CAMK1D: variants seen among roughly 807,000 people sequenced by gnomAD.
CAMK1D encodes the protein calcium/calmodulin-dependent protein kinase type 1D.
In CAMK1D, 9 loss-of-function variants were observed where a neutral mutation model predicts 47.7. The ratio of observed to expected loss-of-function variants is 0.19; its 90% confidence interval spans 0.11 to 0.33. CAMK1D has a LOEUF of 0.33. CAMK1D is among the 10% of genes least tolerant of loss of function. The pLI, the probability that CAMK1D is intolerant of heterozygous loss-of-function variation, is 1.00. For missense variants in CAMK1D, 291 were observed against 488.7 expected (o/e 0.60, Z 3.81); for synonymous variants, 184 against 184.9 (o/e 0.99, Z 0.04).
At chr10:12,728,584 T>C (rs1416347928) in intron 3 of CAMK1D, among the ~76,000 whole-genome samples, 1 of 152,240 alleles carries the variant, frequency 6.6e-6, no homozygotes, top group African/African-American at 2.4e-5. Flanking sequence ...GTTGGTGTGA[T>C]AATAAGGCTG....
chr10:12,834,024 A>G lies in CAMK1D; in HGVS notation c.*5137A>G, dbSNP rs912013612. 4 of 152,164 alleles carry G rather than the reference A, an allele frequency of 2.6e-5. No homozygotes were observed. Among genetic ancestry groups the G allele is most frequent in the African/African-American group, 4.8e-5 (2 of 41,442 alleles). The allele number at this position is 152,164 out of a possible 1,614,324, so 9.4% of individuals were successfully genotyped here. A position where few individuals can be genotyped will look rare whatever the true frequency, so the allele number is the denominator to read the frequency against. On this transcript the variant is annotated 3_prime_UTR_variant, in exon 11 of 11. Transcript: ENST00000619168. ...GCTGCAGGTGTGCCTGACATTTGCA[A>G]AAGATATTCCAGTCTTTCGATGTTC...
intron 1 of CAMK1D, among the ~76,000 whole-genome samples, chr10:12,407,831 G>A (rs991021235): frequency 9.9e-5 from 15 of 150,980 alleles, no homozygotes; most frequent in Non-Finnish European, 2.2e-4. Context: ...TCCTCCTCAA[G>A]GGTGTGATTG....
intron 1 of CAMK1D, among the ~76,000 whole-genome samples, chr10:12,424,211 C>T (rs1840150801): frequency 6.6e-6 from 1 of 152,146 alleles, no homozygotes; most frequent in South Asian, 2.1e-4. Context: ...TCTAAGTCAG[C>T]AAGCCCAGTG....
intron 2 of CAMK1D, among the ~76,000 whole-genome samples, chr10:12,648,201 C>A (rs141306727): frequency 6.6e-6 from 1 of 152,148 alleles, no homozygotes; most frequent in Non-Finnish European, 1.5e-5. Context: ...GCTAAGAGTT[C>A]GTGGGGCACT....
chr10:12,548,829 A>G (rs969745187), intron 1 of CAMK1D, among the ~76,000 whole-genome samples: 2 of 151,964 alleles, frequency 1.3e-5, no homozygotes, highest in East Asian at 3.9e-4. Context: ...TTGTGCAACC[A>G]TCAACCCCAT....
Position 12,482,064 on chromosome 10 carries a change from G to A in CAMK1D, c.93-71161G>A, listed in dbSNP as rs559390871. ...GTGTTTACCTCCACTGTAATGAAATGTGTTTCCCTTGAGGGGGTGGTTATT... is the reference window on the plus strand; with the variant it reads ...GTGTTTACCTCCACTGTAATGAAATATGTTTCCCTTGAGGGGGTGGTTATT... On this transcript the variant is annotated intron_variant, in intron 1 of 10. Transcript: ENST00000619168. Among the ~76,000 whole-genome samples, 3 of 152,340 alleles carry A rather than the reference G, an allele frequency of 2.0e-5. No homozygotes were observed. The South Asian group carries it at 6.2e-4, about 32-fold the overall frequency.
At chr10:12,779,298 G>A (rs1355057448) in intron 5 of CAMK1D, among the ~76,000 whole-genome samples, 1 of 152,192 alleles carries the variant, frequency 6.6e-6, no homozygotes, top group African/African-American at 2.4e-5. Flanking sequence ...TATATTGCCT[G>A]CTCAGCTGCA....
At chr10:12,507,498 C>A (rs765392596) in intron 1 of CAMK1D, among the ~76,000 whole-genome samples, 4 of 152,034 alleles carry the variant, frequency 2.6e-5, no homozygotes, top group Non-Finnish European at 4.4e-5. Flanking sequence ...CCTGTAATAT[C>A]AGGAAATCCT....
intron 3 of CAMK1D, among the ~76,000 whole-genome samples, chr10:12,681,194 T>C (rs1840981449): frequency 6.6e-6 from 1 of 152,258 alleles, no homozygotes; most frequent in Non-Finnish European, 1.5e-5. Flanking sequence ...CCAGAGCTGC[T>C]ACGGCTCTAT....
At chr10:12,535,811 C>T (rs1835951506) in intron 1 of CAMK1D, among the ~76,000 whole-genome samples, 1 of 152,136 alleles carries the variant, frequency 6.6e-6, no homozygotes, top group South Asian at 2.1e-4. Flanking sequence ...ACTGTTTACC[C>T]ACCACACTAA....
At chr10:12,377,214 G>T (rs766872654) in intron 1 of CAMK1D, among the ~76,000 whole-genome samples, 20 of 150,664 alleles carry the variant, frequency 1.3e-4, no homozygotes, top group Non-Finnish European at 2.6e-4. Context: ...AAAAAAAAAT[G>T]TTCTTCCCAG....
In CAMK1D at chr10:12,401,094, A is replaced by T. The variant is rs1353080861; in HGVS notation, c.92+51184A>T. ...TATATATAATATATGTATTATATAT[A>T]TTATATATATATTTTATATATATAA... On this transcript the variant is annotated intron_variant, in intron 1 of 10. Coordinates refer to ENST00000619168, the MANE Select transcript of CAMK1D (RefSeq NM_153498.4). Among the ~76,000 whole-genome samples the T allele has an allele frequency of 7.2e-3, 591 of 82,090 alleles. 46 individuals carry two copies. Among genetic ancestry groups the T allele is most frequent in the African/African-American group, 0.033 (568 of 17,334 alleles). The allele number at this position is 82,090 out of a possible 152,430, so 53.9% of individuals were successfully genotyped here.
chr10:12,547,682 T>TCTCTCTCACACCCACACACACACACACA (rs10643491), intron 1 of CAMK1D, among the ~76,000 whole-genome samples: 1 of 116,508 alleles, frequency 8.6e-6, no homozygotes, highest in African/African-American at 3.7e-5. Context: ...TTTCTCTCTC[T>TCTCTCTCACACCCACACACACACACACA]CACACACACA....
chr10:12,782,989 T>G (rs1837564745), intron 5 of CAMK1D, among the ~76,000 whole-genome samples: 5 of 140,408 alleles, frequency 3.6e-5, no homozygotes, highest in East Asian at 5.1e-4. Flanking sequence ...CAGTTTTTTT[T>G]TTTTTTGTTT....
chr10:12,598,272 C>T (rs940721189), intron 2 of CAMK1D, among the ~76,000 whole-genome samples: 7 of 152,208 alleles, frequency 4.6e-5, no homozygotes, highest in Non-Finnish European at 7.3e-5. Context: ...GACATCATGG[C>T]AGAGCAGCTG....
chr10:12,707,666 T>G (rs970762714), intron 3 of CAMK1D, among the ~76,000 whole-genome samples: 3 of 152,220 alleles, frequency 2.0e-5, no homozygotes, highest in African/African-American at 4.8e-5. Flanking sequence ...CAGAGGCCAA[T>G]TTATTCAACA....
chr10:12,637,108 A>G (rs1447095538), intron 2 of CAMK1D, among the ~76,000 whole-genome samples: 1 of 151,958 alleles, frequency 6.6e-6, no homozygotes, highest in Non-Finnish European at 1.5e-5. Flanking sequence ...AGTAGTTGGG[A>G]TTATAGATGT....
rs931766950 is a variant in CAMK1D, at chr10:12,764,507, C to G, written c.438+3421C>G. On this transcript the variant is annotated intron_variant, in intron 4 of 10. Transcript: ENST00000619168. ...ATGAATCTTTTCTAGGAGGGATGTG[C>G]GATGCTCTGAGCCCTTTGGCCACCC... is the stretch of plus-strand genomic sequence containing the variant. Among the ~76,000 whole-genome samples the G allele has an allele frequency of 7.7e-4, 117 of 152,248 alleles. 1 individual carries two copies. The highest frequency in any genetic ancestry group is 1.4e-3 in the Non-Finnish European group (94 of 68,038).
chr10:12,736,897 G>T (rs927260980), intron 3 of CAMK1D, among the ~76,000 whole-genome samples: 1 of 152,180 alleles, frequency 6.6e-6, no homozygotes, highest in Non-Finnish European at 1.5e-5. Flanking sequence ...CTGGCTTTCC[G>T]GTCTTCTCCT....
Sources: gnomAD v4.1 joint callset for allele counts (sites outside exome capture counted in the v4.1 genomes callset) on GRCh38, gnomAD v4.1.1 for gene constraint, MANE v1.5 for transcripts, NCBI Gene and HGNC (gene_info 2026-07-23, HGNC 2026-07-21) for gene names.